Variants in TRRAP observed in about 807,000 individuals in gnomAD.
TRRAP encodes transformation/transcription domain-associated protein.
In TRRAP, 41 loss-of-function variants were observed where a neutral mutation model predicts 438.8. That is an observed-to-expected ratio of 0.09 (90% CI 0.07 to 0.12). The LOEUF is 0.12. Among genes scored for constraint, TRRAP ranks in the 10% least tolerant of loss-of-function variants. TRRAP has a pLI of 1.00. For synonymous variants in TRRAP, 1,994 were observed against 1,962.9 expected, an observed-to-expected ratio of 1.02 and a Z score of -0.42; for missense variants, 3,122 against 5,055.1, an observed-to-expected ratio of 0.62 and a Z score of 11.60.
chr7:99,001,112 C>T (rs900738554), intron 67 of TRRAP, among the ~76,000 whole-genome samples: 10 of 152,258 alleles, frequency 6.6e-5, no homozygotes, highest in Non-Finnish European at 1.5e-4. Flanking sequence ...GGAAAGGACA[C>T]TCAACAGCCA....
chr7:98,922,537 A>G (rs964135520), intron 21 of TRRAP, among the ~76,000 whole-genome samples: 19 of 150,968 alleles, frequency 1.3e-4, no homozygotes, highest in African/African-American at 4.4e-4. Context: ...TCCCTGTCCT[A>G]GTTCTGTGTC....
In TRRAP at chr7:98,908,162, C is replaced by T. The variant is rs1020880227; in HGVS notation, c.1116-566C>T. 2.0e-4 allele frequency among the ~76,000 whole-genome samples: 31 copies of T among 152,294 alleles called. No homozygotes were observed. Among genetic ancestry groups the T allele is most frequent in the African/African-American group, 6.3e-4 (26 of 41,564 alleles). ...TTCTCATGTGCCCTTTTCACATCCC[C>T]GCTAGCACTTACTAACTTGTGTAGC... On this transcript the variant is annotated intron_variant, in intron 13 of 72. Transcript: ENST00000456197. This position sits in a 1 kb window ranked among gnomAD's most constrained non-coding sequence, Gnocchi z 4.1.
At chr7:98,886,188 G>T (rs1171978685) in intron 3 of TRRAP, among the ~76,000 whole-genome samples, 1 of 152,210 alleles carries the variant, frequency 6.6e-6, no homozygotes, top group Non-Finnish European at 1.5e-5. Context: ...CTACTGGGAA[G>T]GCTGAGGCAG....
Position 98,981,858 on chromosome 7 carries a change from C to T in TRRAP, c.8724C>T (p.Leu2908=), listed in dbSNP as rs753819156. The T allele has an allele frequency of 4.7e-5, 75 of 1,608,448 alleles. No individual in the cohort carries two copies. Among genetic ancestry groups the T allele is most frequent in the Non-Finnish European group, 4.2e-6 (5 of 1,178,196 alleles). Residue 2908 remains leucine, a synonymous_variant, in exon 59 of 73, where the codon CTC becomes CTT. Coordinates refer to ENST00000456197, the MANE Select transcript of TRRAP (RefSeq NM_001375524.1). The stretch of plus-strand genomic sequence containing the variant: ...TCTGCCACCCCGAGGAGCAGCAGCT[C>T]AGCTTCATCGAGCGCCTGGTGGAGA... The part of the protein sequence containing the change: ...LAICHPEEQQ[L]SFIERLVEMA...
In TRRAP at chr7:98,902,882, G is replaced by A. The variant is rs182105306; in HGVS notation, c.898-497G>A. Among the ~76,000 whole-genome samples, 278 of 149,016 alleles carry A rather than the reference G, an allele frequency of 1.9e-3. 1 individual carries two copies. The highest frequency in any genetic ancestry group is 6.4e-3 in the African/African-American group (262 of 40,626). On this transcript the variant is annotated intron_variant, in intron 11 of 72. Coordinates refer to ENST00000456197, the MANE Select transcript of TRRAP (RefSeq NM_001375524.1). ...GAGCCCAGGAGTTGGAGGCCAGCTCGGGTAACATAGCAAGACCCCCATTTC... is the reference window on the plus strand; with the variant it reads ...GAGCCCAGGAGTTGGAGGCCAGCTCAGGTAACATAGCAAGACCCCCATTTC...
At chr7:98,911,975 C>T in intron 17 of TRRAP, 47 bp from the exon 18 acceptor site, 1 of 1,553,034 alleles carries the variant, frequency 6.4e-7, no homozygotes, top group Non-Finnish European at 8.8e-7. Flanking sequence ...CTTAAAACTG[C>T]TTTGGGGAAG....
chr7:98,984,693 C>G (rs1345008366), intron 61 of TRRAP, among the ~76,000 whole-genome samples: 2 of 152,106 alleles, frequency 1.3e-5, no homozygotes, highest in Non-Finnish European at 2.9e-5. Flanking sequence ...TAAAACCGAC[C>G]AGACCTATAA....
At position 99,011,289 on chromosome 7, in the gene TRRAP, G is replaced by A. The variant is rs780565090; in HGVS notation, c.11142+34G>A. ...CTTTGAACAGCCAGATCCTCTCCTC[G>A]TGACATCGCCTTTCTGCTGAAGTTC... On this transcript the variant is annotated intron_variant, in intron 71 of 72. Transcript: ENST00000456197. This position sits in a 1 kb window ranked among gnomAD's most constrained non-coding sequence, Gnocchi z 7.1. 46 of 1,612,828 alleles carry A rather than the reference G, an allele frequency of 2.9e-5. No individual in the cohort carries two copies. The highest frequency in any genetic ancestry group is 1.8e-4 in the Admixed American group (11 of 59,990).
chr7:98,961,119 C>A, intron 45 of TRRAP, 142 bp from the exon 46 acceptor site: 1 of 698,718 alleles, frequency 1.4e-6, no homozygotes. Context: ...TTGTGAAATA[C>A]GATTGTCATT....
Position 98,978,128 on chromosome 7 carries a change from T to G in TRRAP, c.8386-83T>G, listed in dbSNP as rs1584385738. ...ATAGCAAAACCTCATCTCAAAAAAC[T>G]TAGTTCTAAGTTTTAAATTTAAAAA... On this transcript the variant is annotated intron_variant, in intron 56 of 72. Coordinates refer to ENST00000456197, the MANE Select transcript of TRRAP (RefSeq NM_001375524.1). 5.5e-6 allele frequency: 7 copies of G among 1,282,200 alleles called. No homozygotes were observed. In the East Asian group the frequency reaches 1.6e-4, roughly 30 times the overall value. 79.4% of individuals were successfully genotyped at this position (1,282,200 alleles called of 1,614,324 possible).
At chr7:99,006,834 A>C (rs185310269) in intron 69 of TRRAP, among the ~76,000 whole-genome samples, 6 of 152,330 alleles carry the variant, frequency 3.9e-5, no homozygotes, top group African/African-American at 1.4e-4. Context: ...TATCTCATTT[A>C]ATCCACAAAC....
chr7:98,937,831 T>G lies in TRRAP; in HGVS notation c.4404+11T>G, dbSNP rs1554414612. On this transcript the variant is annotated intron_variant, in intron 30 of 72. Coordinates refer to ENST00000456197, the MANE Select transcript of TRRAP (RefSeq NM_001375524.1). ...TGTGATCAGATGATGGTAAGCCAAA[T>G]GCATTTAAACGCTCTGTAACAAACT... is the stretch of plus-strand genomic sequence containing the variant. 2 of 1,606,804 alleles carry G rather than the reference T, an allele frequency of 1.2e-6. No homozygotes were observed. Among genetic ancestry groups the G allele is most frequent in the South Asian group, 2.2e-5 (2 of 89,456 alleles).
chr7:98,978,602 G>A lies in TRRAP; in HGVS notation c.8499-167G>A, dbSNP rs141178544. 1.5e-3 allele frequency among the ~76,000 whole-genome samples: 234 copies of A among 152,288 alleles called. 1 individual carries two copies. The highest frequency in any genetic ancestry group is 5.4e-3 in the African/African-American group (224 of 41,550). The stretch of plus-strand genomic sequence containing the variant: ...TTTGTGGTGTCCAGGGTGGGCAGGG[G>A]GCTCTCCCCACAATGGAGCACACCT... On this transcript the variant is annotated intron_variant, in intron 57 of 72. Coordinates refer to ENST00000456197, the MANE Select transcript of TRRAP (RefSeq NM_001375524.1).
intron 9 of TRRAP, 34 bp from the exon 10 acceptor site, chr7:98,899,645 T>C: frequency 6.2e-7 from 1 of 1,613,124 alleles, no homozygotes; most frequent in Non-Finnish European, 8.5e-7. Context: ...TAGCAGAGTG[T>C]CAATGTATGA....
chr7:98,977,751 G>A (rs891342796), intron 56 of TRRAP, among the ~76,000 whole-genome samples: 8 of 152,194 alleles, frequency 5.3e-5, no homozygotes, highest in Admixed American at 1.3e-4. Flanking sequence ...GTGCTGTGCC[G>A]CGGAAGCTCC....
chr7:98,979,490 A>G (rs1792816741), intron 58 of TRRAP, among the ~76,000 whole-genome samples: 1 of 152,242 alleles, frequency 6.6e-6, no homozygotes, highest in Non-Finnish European at 1.5e-5. Context: ...GTACAGATGC[A>G]GTTTTTTTTC....
Position 98,994,444 on chromosome 7 carries a change from T to C in TRRAP, c.10048-143T>C. 8.0e-7 allele frequency: 1 copy of C among 1,246,360 alleles called. No individual in the cohort carries two copies. The highest frequency in any genetic ancestry group is 1.5e-5 in the African/African-American group (1 of 66,628). 77.2% of individuals were successfully genotyped at this position (1,246,360 alleles called of 1,614,324 possible). A position where few individuals can be genotyped will look rare whatever the true frequency, so the allele number is the denominator to read the frequency against. ...CGTCCCGTTTCTTGCACACGCCGAT[T>C]TCATGCCTGCTGTGTGTGGGTCCTG... On this transcript the variant is annotated intron_variant, in intron 66 of 72. Coordinates refer to ENST00000456197, the MANE Select transcript of TRRAP (RefSeq NM_001375524.1). This position sits in a 1 kb window ranked among gnomAD's most constrained non-coding sequence, Gnocchi z 4.8.
At chr7:98,974,693 A>G (rs1041983351) in intron 53 of TRRAP, among the ~76,000 whole-genome samples, 4 of 152,244 alleles carry the variant, frequency 2.6e-5, no homozygotes, top group Non-Finnish European at 5.9e-5. Flanking sequence ...AATGCTGGAA[A>G]AAAACAATTT....
rs928010946 is a variant in TRRAP, at chr7:99,011,598, C to T, written c.11337+63C>T. The T allele has an allele frequency of 1.1e-5, 17 of 1,552,336 alleles. No individual in the cohort carries two copies. Among genetic ancestry groups the T allele is most frequent in the African/African-American group, 9.5e-5 (7 of 73,300 alleles). ...GAGCCACTCAGATGCCCGCGCGTCA[C>T]GGCCTTGCAGGAGCTGCTGATGTGC... On this transcript the variant is annotated intron_variant, in intron 72 of 72. Transcript: ENST00000456197. This position sits in a 1 kb window ranked among gnomAD's most constrained non-coding sequence, Gnocchi z 7.1.
Sources: gnomAD v4.1 joint callset for allele counts (sites outside exome capture counted in the v4.1 genomes callset) on GRCh38, gnomAD v4.1.1 for gene constraint, Gnocchi (gnomAD v3.1) non-coding constraint, MANE v1.5 for transcripts, NCBI Gene and HGNC (gene_info 2026-07-23, HGNC 2026-07-21) for gene names.